Variants in PTPRZ1 observed in about 807,000 individuals in gnomAD.
The protein encoded by PTPRZ1 is protein tyrosine phosphatase receptor type Z1, also known as receptor-type tyrosine-protein phosphatase zeta.
A neutral mutation model predicts 214.1 loss-of-function variants in PTPRZ1; 82 were observed. The ratio of observed to expected loss-of-function variants is 0.38; its 90% confidence interval spans 0.32 to 0.46. PTPRZ1 has a LOEUF of 0.46. Ranked by LOEUF, PTPRZ1 falls within the 20% of genes least tolerant of loss-of-function variation. The pLI is 1.00. For missense variants in PTPRZ1, 2,603 were observed against 2,748.7 expected (o/e 0.95, Z 1.19); for synonymous variants, 945 against 987.9 (o/e 0.96, Z 0.81).
intron 2 of PTPRZ1, among the ~76,000 whole-genome samples, chr7:121,961,760 T>C (rs1002986066): frequency 1.1e-4 from 16 of 152,222 alleles, no homozygotes; most frequent in African/African-American, 2.9e-4. Flanking sequence ...GGCATGTAGA[T>C]GAAATAGGCA....
chr7:122,012,069 C>T lies in PTPRZ1; in HGVS notation c.3023C>T (p.Pro1008Leu). Residue 1008 changes from proline to leucine, a missense_variant, in exon 12 of 30, where the codon CCT becomes CTT. Physicochemically the swap from Pro to Leu is moderately conservative, Grantham distance 98. Coordinates refer to ENST00000393386, the MANE Select transcript of PTPRZ1 (RefSeq NM_002851.3). ...GASSDSEFLL[P>L]DTDGLTALNI... ...TCTTCTGATAGTGAATTTCTTTTAC[C>T]TGACACAGATGGGCTGACAGCCCTT... is the stretch of plus-strand genomic sequence containing the variant. The T allele has an allele frequency of 6.2e-7, 1 of 1,614,216 alleles. No homozygotes were observed. Among genetic ancestry groups the T allele is most frequent in the South Asian group, 1.1e-5 (1 of 91,082 alleles).
chr7:121,906,953 ATTATG>A (rs1795134084), intron 1 of PTPRZ1, among the ~76,000 whole-genome samples: 1 of 105,266 alleles, frequency 9.5e-6, no homozygotes, highest in Admixed American at 1.1e-4. Context: ...ATACTTATAT[ATTATG>A]TTTGCAGATA....
intron 23 of PTPRZ1, among the ~76,000 whole-genome samples, chr7:122,049,821 C>G (rs1046142081): frequency 1.3e-5 from 2 of 152,022 alleles, no homozygotes; most frequent in Admixed American, 1.3e-4. Context: ...GCCAAAATAT[C>G]TCACCTATAC....
chr7:121,951,719 C>G (rs1007098834), intron 2 of PTPRZ1, among the ~76,000 whole-genome samples: 8 of 152,174 alleles, frequency 5.3e-5, no homozygotes, highest in Admixed American at 2.6e-4. Context: ...CTAAGCCCTC[C>G]TTAGAATTTC....
chr7:121,880,485 A>G (rs1310686794), intron 1 of PTPRZ1, among the ~76,000 whole-genome samples: 2 of 152,092 alleles, frequency 1.3e-5, no homozygotes, highest in African/African-American at 4.8e-5. Context: ...TTTCACTGTT[A>G]CTGACTGAAC....
chr7:121,902,136 A>G (rs537430358), intron 1 of PTPRZ1, among the ~76,000 whole-genome samples: 1 of 152,280 alleles, frequency 6.6e-6, no homozygotes, highest in South Asian at 2.1e-4. Flanking sequence ...GGCTTATTTC[A>G]CTTAACATAA....
intron 23 of PTPRZ1, among the ~76,000 whole-genome samples, chr7:122,046,961 T>A (rs536708481): frequency 6.6e-6 from 1 of 152,310 alleles, no homozygotes; most frequent in Non-Finnish European, 1.5e-5. Context: ...GAAAACATTT[T>A]AATTAACCTA....
chr7:121,958,070 C>A (rs1347003167), intron 2 of PTPRZ1, among the ~76,000 whole-genome samples: 3 of 152,050 alleles, frequency 2.0e-5, no homozygotes, highest in African/African-American at 7.2e-5. Flanking sequence ...TAAAAAAATC[C>A]ATTTCTCATC....
At chr7:121,885,899 G>T (rs1409419511) in intron 1 of PTPRZ1, among the ~76,000 whole-genome samples, 1 of 152,154 alleles carries the variant, frequency 6.6e-6, no homozygotes, top group Non-Finnish European at 1.5e-5. Context: ...GGCAAGCAAA[G>T]ATCAAATATT....
At chr7:121,940,626 A>G (rs1485097255) in intron 2 of PTPRZ1, among the ~76,000 whole-genome samples, 4 of 152,202 alleles carry the variant, frequency 2.6e-5, no homozygotes, top group Admixed American at 6.5e-5. Context: ...TACATGTGTA[A>G]GTATATACAA....
At chr7:121,958,186 G>A (rs568809285) in intron 2 of PTPRZ1, among the ~76,000 whole-genome samples, 1 of 152,208 alleles carries the variant, frequency 6.6e-6, no homozygotes, top group East Asian at 1.9e-4. Flanking sequence ...TCACTCTGTA[G>A]TCTGAATTGC....
intron 6 of PTPRZ1, among the ~76,000 whole-genome samples, chr7:121,983,002 C>T (rs1274989947): frequency 6.6e-6 from 1 of 152,192 alleles, no homozygotes; most frequent in East Asian, 1.9e-4. Context: ...TGGTCTCGAA[C>T]TCCTGACTTC....
chr7:122,058,368 TC>T lies in PTPRZ1; in HGVS notation c.6529-430del, dbSNP rs1438176109. On this transcript the variant is annotated intron_variant, in intron 27 of 29. Transcript: ENST00000393386. ...TCTCTACCTCCTTGTCGGCGTTTTC[TC>T]CACTGTGTCATGCAATCTTTTACTT... Among the ~76,000 whole-genome samples the T allele has an allele frequency of 3.9e-5, 6 of 152,138 alleles. No homozygotes were observed. The East Asian group carries it at 1.2e-3, about 30-fold the overall frequency.
intron 8 of PTPRZ1, among the ~76,000 whole-genome samples, chr7:121,994,347 T>C: frequency 8.1e-6 from 1 of 122,826 alleles, no homozygotes. Context: ...CCGGCTGGAG[T>C]GCAGTGGCGC....
chr7:122,003,666 G>A (rs969352607), intron 10 of PTPRZ1, among the ~76,000 whole-genome samples: 4 of 152,144 alleles, frequency 2.6e-5, no homozygotes, highest in African/African-American at 9.7e-5. Context: ...TTCCATAAAG[G>A]CATGGGAGTT....
At chr7:122,015,926 T>C (rs1229891421) in intron 12 of PTPRZ1, among the ~76,000 whole-genome samples, 1 of 152,094 alleles carries the variant, frequency 6.6e-6, no homozygotes, top group Non-Finnish European at 1.5e-5. Context: ...TTTAAAACTG[T>C]ATCTATAAAA....
intron 8 of PTPRZ1, among the ~76,000 whole-genome samples, chr7:121,988,751 A>G (rs1297957024): frequency 6.6e-6 from 1 of 152,220 alleles, no homozygotes; most frequent in Non-Finnish European, 1.5e-5. Context: ...TCTGGGGTTA[A>G]AAAGAGCATA....
At chr7:121,900,113 G>A (rs978959125) in intron 1 of PTPRZ1, among the ~76,000 whole-genome samples, 1 of 152,180 alleles carries the variant, frequency 6.6e-6, no homozygotes, top group Admixed American at 6.5e-5. Context: ...TTGAGAGCCT[G>A]TATTTGGATT....
At chr7:121,878,921 G>A (rs1408181172) in intron 1 of PTPRZ1, among the ~76,000 whole-genome samples, 1 of 152,106 alleles carries the variant, frequency 6.6e-6, no homozygotes, top group Non-Finnish European at 1.5e-5. Flanking sequence ...TGTTGAGACT[G>A]GCCAATTTTC....
Sources: gnomAD v4.1 joint callset for allele counts (sites outside exome capture counted in the v4.1 genomes callset) on GRCh38, gnomAD v4.1.1 for gene constraint, MANE v1.5 for transcripts, NCBI Gene and HGNC (gene_info 2026-07-23, HGNC 2026-07-21) for gene names.